CEACAM18: variants seen among roughly 807,000 people sequenced by gnomAD.
CEACAM18 encodes CEA cell adhesion molecule 18.
Under a neutral mutation model 34.3 loss-of-function variants are expected in CEACAM18, and 33 were observed. The observed-to-expected ratio is 0.96, with a 90% CI of 0.73 to 1.29. CEACAM18 has a LOEUF of 1.29. Among genes scored for constraint, CEACAM18 ranks in the 50% most tolerant of loss-of-function variants. The pLI is 0.00. For synonymous variants in CEACAM18, 169 were observed against 180.9 expected (o/e 0.93, Z 0.53); for missense variants, 474 against 485.0 (o/e 0.98, Z 0.21).
At chr19:51,482,941 G>A (rs928139685) in intron 3 of CEACAM18, 76 bp from the exon 4 acceptor site, 16 of 1,555,580 alleles carry the variant, frequency 1.0e-5, no homozygotes, top group South Asian at 4.8e-5. Flanking sequence ...GAACCTCCTG[G>A]CTGGGGGAGG....
exon 4 of CEACAM18, chr19:51,483,187 A>G (rs111704220): frequency 6.2e-7 from 1 of 1,613,958 alleles, no homozygotes; most frequent in South Asian, 1.1e-5. Flanking sequence ...TGCAAAGATG[A>G]ACCTCTCGAG....
At chr19:51,488,782 T>G (rs1350661551) in intron 5 of CEACAM18, among the ~76,000 whole-genome samples, 1 of 152,152 alleles carries the variant, frequency 6.6e-6, no homozygotes, top group Non-Finnish European at 1.5e-5. Context: ...CCAGAATCCC[T>G]CCTCATTCCC....
At chr19:51,481,474 C>T in exon 3 of CEACAM18, 6 of 1,613,990 alleles carry the variant, frequency 3.7e-6, no homozygotes, top group Non-Finnish European at 5.1e-6. Flanking sequence ...GACTGCCTCA[C>T]AAATGTCACC....
At position 51,480,485 on chromosome 19, in the gene CEACAM18, G is replaced by T. The variant is rs371514477; in HGVS notation, c.205G>T (p.Ala69Ser). ...CTGGTACTGGGGTGCAAACGACAGC[G>T]CAGGAAACATGATTATCAGCCACAA... Residue 69 changes from alanine to serine, a missense_variant, in exon 2 of 6, where the codon GCA becomes TCA. Transcript: ENST00000396477. 5 of 1,613,732 alleles carry T rather than the reference G, an allele frequency of 3.1e-6. No individual in the cohort carries two copies. The African/African-American group carries it at 5.3e-5, about 17-fold the overall frequency.
intron 1 of CEACAM18, 45 bp from the exon 2 acceptor site, chr19:51,480,288 T>C (rs1415836053): frequency 1.7e-5 from 25 of 1,443,988 alleles, no homozygotes; most frequent in Non-Finnish European, 2.3e-5. Context: ...CCAGTCTGAA[T>C]CTCTTTGTGA....
intron 4 of CEACAM18, among the ~76,000 whole-genome samples, chr19:51,484,268 T>G (rs1307875219): frequency 6.6e-6 from 1 of 151,910 alleles, no homozygotes. Context: ...CGATTCACAT[T>G]TTTCTCTTCC....
intron 2 of CEACAM18, 150 bp downstream of exon 2, chr19:51,480,830 T>G (rs1178838263): frequency 1.9e-5 from 14 of 728,194 alleles, no homozygotes; most frequent in Non-Finnish European, 2.9e-5. Context: ...TCCTGGGGGA[T>G]CTGAGGGCTA....
chr19:51,489,684 C>T (rs999744239), intron 5 of CEACAM18, among the ~76,000 whole-genome samples: 1 of 152,158 alleles, frequency 6.6e-6, no homozygotes, highest in Non-Finnish European at 1.5e-5. Flanking sequence ...CCTGACTGTG[C>T]TTTACTTGCC....
At chr19:51,480,160 G>T (rs966009873) in intron 1 of CEACAM18, among the ~76,000 whole-genome samples, 173 bp from the exon 2 acceptor site, 1 of 152,134 alleles carries the variant, frequency 6.6e-6, no homozygotes, top group Non-Finnish European at 1.5e-5. Flanking sequence ...CAGGGGCTGA[G>T]GGGAGGCACA....
chr19:51,491,209 TAA>T (rs1491238386), downstream of CEACAM18: 1 of 87,828 alleles, frequency 1.1e-5, no homozygotes, highest in Non-Finnish European at 2.1e-5. Flanking sequence ...CTCAAATATT[TAA>T]TTTTTTTTTT....
chr19:51,489,232 T>C (rs764207740), intron 5 of CEACAM18, among the ~76,000 whole-genome samples: 27 of 150,534 alleles, frequency 1.8e-4, no homozygotes, highest in East Asian at 4.0e-4. Flanking sequence ...TTCATTTGTC[T>C]CTCATTCAGT....
At chr19:51,483,883 C>T (rs942677388) in intron 4 of CEACAM18, among the ~76,000 whole-genome samples, 2 of 152,174 alleles carry the variant, frequency 1.3e-5, no homozygotes, top group African/African-American at 4.8e-5. Flanking sequence ...AAAGCATCTT[C>T]TTAGCAACCA....
intron 5 of CEACAM18, among the ~76,000 whole-genome samples, chr19:51,489,420 T>C (rs578088359): frequency 6.6e-6 from 1 of 152,060 alleles, no homozygotes; most frequent in African/African-American, 2.4e-5. Context: ...ACTCATATTT[T>C]AATCATGATT....
intron 5 of CEACAM18, among the ~76,000 whole-genome samples, chr19:51,487,509 G>A (rs1413447661): frequency 2.6e-5 from 4 of 152,040 alleles, no homozygotes; most frequent in Admixed American, 6.5e-5. Context: ...GCTGAAGCCT[G>A]TAATCCCAGC....
intron 5 of CEACAM18, among the ~76,000 whole-genome samples, chr19:51,487,520 AT>A (rs1284721350): frequency 2.0e-5 from 3 of 152,054 alleles, no homozygotes; most frequent in Non-Finnish European, 2.9e-5. Flanking sequence ...TAATCCCAGC[AT>A]GTTGGAAGGC....
At chr19:51,480,676 T>C in exon 2 of CEACAM18, 1 of 1,610,060 alleles carries the variant, frequency 6.2e-7, no homozygotes. Context: ...GGCTGGAGGT[T>C]CTAGGTGGGT....
At chr19:51,480,855 C>T (rs922157297) in intron 2 of CEACAM18, among the ~76,000 whole-genome samples, 175 bp downstream of exon 2, 3 of 152,094 alleles carry the variant, frequency 2.0e-5, no homozygotes, top group Admixed American at 1.3e-4. Flanking sequence ...GAGGAGAGGG[C>T]GGAGTTGGAA....
chr19:51,480,207 A>G (rs1359741458), intron 1 of CEACAM18, 126 bp from the exon 2 acceptor site: 2 of 769,754 alleles, frequency 2.6e-6, no homozygotes, highest in Non-Finnish European at 4.1e-6. Context: ...AGGAGCCAGA[A>G]ACTCTTGCCT....
intron 5 of CEACAM18, among the ~76,000 whole-genome samples, chr19:51,487,572 C>A (rs1337032125): frequency 6.6e-6 from 1 of 152,172 alleles, no homozygotes; most frequent in East Asian, 1.9e-4. Context: ...CGAGACCAGC[C>A]TGGCCAACAT....
Sources: gnomAD v4.1 joint callset for allele counts (sites outside exome capture counted in the v4.1 genomes callset) on GRCh38, gnomAD v4.1.1 for gene constraint, MANE v1.5 for transcripts, NCBI Gene and HGNC (gene_info 2026-07-23, HGNC 2026-07-21) for gene names.